Variants in KCNH5 observed in about 807,000 individuals in gnomAD.
KCNH5 encodes the protein voltage-gated delayed rectifier potassium channel KCNH5.
In KCNH5, 46 loss-of-function variants were observed where a neutral mutation model predicts 96.1. The ratio of observed to expected loss-of-function variants is 0.48; its 90% CI spans 0.38 to 0.61. The LOEUF (loss-of-function observed/expected upper bound fraction) is 0.61, where lower values mean the gene tolerates loss of function less well. Ranked by LOEUF, KCNH5 falls within the 20% of genes least tolerant of loss-of-function variation. The pLI is 0.00. For synonymous variants in KCNH5, 439 were observed against 449.8 expected (o/e 0.98, Z 0.30); for missense variants, 907 against 1,225.8 (o/e 0.74, Z 3.88).
chr14:62,948,600 T>C (rs1200474721), intron 7 of KCNH5, among the ~76,000 whole-genome samples: 10 of 151,620 alleles, frequency 6.6e-5, no homozygotes, highest in Admixed American at 1.3e-4. Flanking sequence ...ACTGGTACCA[T>C]TCCTTCTGAA....
intron 7 of KCNH5, among the ~76,000 whole-genome samples, chr14:62,887,525 C>T (rs2140082047): frequency 6.6e-6 from 1 of 152,056 alleles, no homozygotes; most frequent in East Asian, 1.9e-4. Flanking sequence ...CTAAATAGAT[C>T]TGAAGTTAAA....
At chr14:62,867,560 C>T (rs994503096) in intron 7 of KCNH5, among the ~76,000 whole-genome samples, 2 of 152,242 alleles carry the variant, frequency 1.3e-5, no homozygotes, top group Non-Finnish European at 2.9e-5. Context: ...CAATAGCCTC[C>T]TAACTAGTTC....
chr14:62,889,717 C>G (rs1888666397), intron 7 of KCNH5, among the ~76,000 whole-genome samples: 1 of 152,138 alleles, frequency 6.6e-6, no homozygotes, highest in East Asian at 1.9e-4. Context: ...AAAAACTTGG[C>G]TCATTAAGTG....
chr14:62,776,266 C>CA (rs927875892), intron 10 of KCNH5, among the ~76,000 whole-genome samples: 97 of 141,150 alleles, frequency 6.9e-4, no homozygotes, highest in Admixed American at 1.6e-3. Context: ...GGTTCCATCT[C>CA]AAAAAAAAAA....
intron 7 of KCNH5, among the ~76,000 whole-genome samples, chr14:62,878,252 A>G (rs1036545739): frequency 4.0e-5 from 6 of 151,808 alleles, no homozygotes; most frequent in Admixed American, 2.0e-4. Context: ...ATGCTAAATG[A>G]CTAGTTAATG....
At chr14:62,920,870 C>T (rs1325029784) in intron 7 of KCNH5, among the ~76,000 whole-genome samples, 1 of 152,098 alleles carries the variant, frequency 6.6e-6, no homozygotes, top group Non-Finnish European at 1.5e-5. Context: ...AGAGGTCATG[C>T]ATTCATCTAT....
intron 10 of KCNH5, among the ~76,000 whole-genome samples, chr14:62,736,262 A>C (rs1204026651): frequency 6.6e-6 from 1 of 152,164 alleles, no homozygotes; most frequent in Non-Finnish European, 1.5e-5. Flanking sequence ...TTAAACTGTA[A>C]GTTAGATCAT....
At chr14:62,883,763 T>C (rs1164613060) in intron 7 of KCNH5, among the ~76,000 whole-genome samples, 1 of 150,816 alleles carries the variant, frequency 6.6e-6, no homozygotes, top group Non-Finnish European at 1.5e-5. Context: ...AGTACAATAA[T>C]AATAATAATA....
At chr14:62,988,459 C>A (rs752245881) in intron 4 of KCNH5, among the ~76,000 whole-genome samples, 5 of 152,018 alleles carry the variant, frequency 3.3e-5, no homozygotes, top group African/African-American at 4.8e-5. Context: ...TGACATCATT[C>A]TTTACTACTA....
At chr14:62,888,814 A>G (rs1888648252) in intron 7 of KCNH5, among the ~76,000 whole-genome samples, 1 of 152,176 alleles carries the variant, frequency 6.6e-6, no homozygotes, top group Admixed American at 6.5e-5. Flanking sequence ...CCTAAAAATA[A>G]TTGTTAATAT....
chr14:62,871,718 G>GAC (rs1301439293), intron 7 of KCNH5, among the ~76,000 whole-genome samples: 6 of 152,140 alleles, frequency 3.9e-5, no homozygotes, highest in Admixed American at 3.9e-4. Context: ...GGGGGACAAG[G>GAC]ACATAAGCAA....
chr14:62,863,596 G>T (rs765395412), intron 7 of KCNH5, among the ~76,000 whole-genome samples: 47 of 152,076 alleles, frequency 3.1e-4, no homozygotes, highest in Non-Finnish European at 5.7e-4. Flanking sequence ...TAGATTAAAA[G>T]TTCAAATGGG....
intron 8 of KCNH5, among the ~76,000 whole-genome samples, chr14:62,805,572 T>A (rs1323856361): frequency 2.0e-5 from 3 of 152,162 alleles, no homozygotes; most frequent in Non-Finnish European, 4.4e-5. Context: ...GAAATGTTAA[T>A]CACAGTCTTA....
chr14:62,868,069 C>T (rs962269228), intron 7 of KCNH5, among the ~76,000 whole-genome samples: 2 of 152,198 alleles, frequency 1.3e-5, no homozygotes, highest in Admixed American at 6.5e-5. Context: ...TATAATATTC[C>T]CAGGACTTGG....
At position 62,933,167 on chromosome 14, in the gene KCNH5, G is replaced by A. The variant is rs75770624; in HGVS notation, c.1369+16966C>T. Among the ~76,000 whole-genome samples the A allele has an allele frequency of 3.8e-3, 580 of 152,140 alleles. 2 individuals are homozygous for A. The highest frequency in any genetic ancestry group is 6.8e-3 in the Middle Eastern group (2 of 294). On this transcript the variant is annotated intron_variant, in intron 7 of 10. Coordinates refer to ENST00000322893, the MANE Select transcript of KCNH5 (RefSeq NM_139318.5). ...CCTCCAGAGATAAAAAGTTATAACCGCCTAATGTGAGCATGATGAGGTTAG... is the reference window on the plus strand; with the variant it reads ...CCTCCAGAGATAAAAAGTTATAACCACCTAATGTGAGCATGATGAGGTTAG...
At chr14:62,895,680 A>G (rs1396925396) in intron 7 of KCNH5, among the ~76,000 whole-genome samples, 1 of 152,210 alleles carries the variant, frequency 6.6e-6, no homozygotes, top group East Asian at 1.9e-4. Flanking sequence ...CATATGCCAT[A>G]CCTATAGTTA....
intron 8 of KCNH5, among the ~76,000 whole-genome samples, chr14:62,823,589 T>A (rs1332285136): frequency 6.6e-6 from 1 of 152,124 alleles, no homozygotes; most frequent in Non-Finnish European, 1.5e-5. Context: ...TAACCCCTCC[T>A]GTCTTCACTT....
intron 8 of KCNH5, among the ~76,000 whole-genome samples, chr14:62,836,732 T>A (rs1248967831): frequency 6.6e-6 from 1 of 152,182 alleles, no homozygotes; most frequent in Non-Finnish European, 1.5e-5. Context: ...GAAAAAATAT[T>A]AATTATTTAT....
At chr14:62,744,735 C>A (rs1036514703) in intron 10 of KCNH5, among the ~76,000 whole-genome samples, 3 of 152,168 alleles carry the variant, frequency 2.0e-5, no homozygotes, top group African/African-American at 7.2e-5. Flanking sequence ...TTTCACACTA[C>A]GGTCAGAAAC....
Sources: gnomAD v4.1 joint callset for allele counts (sites outside exome capture counted in the v4.1 genomes callset) on GRCh38, gnomAD v4.1.1 for gene constraint, MANE v1.5 for transcripts, NCBI Gene and HGNC (gene_info 2026-07-23, HGNC 2026-07-21) for gene names.